The following GPC5 variants were observed in gnomAD, a reference collection of about 807,000 sequenced individuals.
The protein encoded by GPC5 is glypican 5, also known as glypican-5.
GPC5 carries 47 observed loss-of-function variants against 53.9 expected under a neutral mutation model. The ratio of observed to expected loss-of-function variants is 0.87; its 90% confidence interval spans 0.69 to 1.11. The LOEUF (loss-of-function observed/expected upper bound fraction) is 1.11, where lower values mean the gene tolerates loss of function less well. Ranked by LOEUF, GPC5 falls within the 50% of genes most tolerant of loss-of-function variation. GPC5 has a pLI of 0.00. For missense variants in GPC5, 748 were observed against 713.1 expected, an observed-to-expected ratio of 1.05 and a Z score of -0.56; for synonymous variants, 286 against 263.3, an observed-to-expected ratio of 1.09 and a Z score of -0.84.
chr13:92,519,560 A>G (rs978637226), intron 7 of GPC5, among the ~76,000 whole-genome samples: 2 of 152,214 alleles, frequency 1.3e-5, no homozygotes, highest in Non-Finnish European at 2.9e-5. Context: ...GGCAGAAATA[A>G]AGATGTTCTT....
intron 7 of GPC5, among the ~76,000 whole-genome samples, chr13:92,741,383 G>T (rs1169032574): frequency 6.6e-6 from 1 of 151,804 alleles, no homozygotes; most frequent in Non-Finnish European, 1.5e-5. Context: ...GAGCTTTCCT[G>T]GGACTCTGCA....
At chr13:91,862,364 T>C (rs73614148) in intron 5 of GPC5, among the ~76,000 whole-genome samples, 4,217 of 152,306 alleles carry the variant, frequency 0.028, 208 homozygotes, top group African/African-American at 0.095. Flanking sequence ...AGGGGCAGTT[T>C]TGCCCTCCAG....
intron 7 of GPC5, among the ~76,000 whole-genome samples, chr13:92,599,127 T>A (rs1883966225): frequency 6.6e-6 from 1 of 152,222 alleles, no homozygotes; most frequent in African/African-American, 2.4e-5. Flanking sequence ...TTATTTAGTG[T>A]AGTTGTAGAC....
At chr13:92,674,043 C>G (rs1886845193) in intron 7 of GPC5, among the ~76,000 whole-genome samples, 1 of 152,162 alleles carries the variant, frequency 6.6e-6, no homozygotes, top group South Asian at 2.1e-4. Flanking sequence ...CTATTTCAGC[C>G]CCACTAAAGC....
At chr13:91,561,187 A>G (rs2031241648) in intron 2 of GPC5, among the ~76,000 whole-genome samples, 1 of 140,666 alleles carries the variant, frequency 7.1e-6, no homozygotes, top group Non-Finnish European at 1.5e-5. Flanking sequence ...TAGTGGTTCC[A>G]TGGACCCAGC....
intron 7 of GPC5, among the ~76,000 whole-genome samples, chr13:92,697,948 G>A (rs954026240): frequency 1.3e-5 from 2 of 152,170 alleles, no homozygotes; most frequent in African/African-American, 4.8e-5. Flanking sequence ...TATCTATTGA[G>A]ATAATCATGT....
intron 6 of GPC5, among the ~76,000 whole-genome samples, chr13:92,051,051 A>G (rs550084877): frequency 1.1e-4 from 16 of 152,316 alleles, no homozygotes; most frequent in African/African-American, 3.6e-4. Context: ...TTGAGAGATG[A>G]CTTTAAAAGC....
At chr13:92,497,120 T>A (rs1461861067) in intron 7 of GPC5, among the ~76,000 whole-genome samples, 1 of 152,226 alleles carries the variant, frequency 6.6e-6, no homozygotes, top group Non-Finnish European at 1.5e-5. Flanking sequence ...TAGATCCCAT[T>A]TGTCAATTTT....
At chr13:91,725,416 AT>A (rs1470115821) in intron 3 of GPC5, among the ~76,000 whole-genome samples, 3 of 152,256 alleles carry the variant, frequency 2.0e-5, no homozygotes, top group Middle Eastern at 3.4e-3. Flanking sequence ...TGCCACCCAA[AT>A]TGGCTCACCT....
intron 7 of GPC5, among the ~76,000 whole-genome samples, chr13:92,584,430 C>G (rs1419334952): frequency 6.6e-6 from 1 of 152,120 alleles, no homozygotes; most frequent in Non-Finnish European, 1.5e-5. Flanking sequence ...GAACTTGAGA[C>G]AGATGATTTA....
At chr13:92,376,309 C>T (rs925392524) in intron 7 of GPC5, among the ~76,000 whole-genome samples, 4 of 152,168 alleles carry the variant, frequency 2.6e-5, no homozygotes, top group Admixed American at 1.3e-4. Flanking sequence ...TTTTGCATAA[C>T]GATCTGGTGG....
chr13:92,406,025 T>G (rs1313437923), intron 7 of GPC5, among the ~76,000 whole-genome samples: 1 of 152,128 alleles, frequency 6.6e-6, no homozygotes, highest in Non-Finnish European at 1.5e-5. Flanking sequence ...ATATACCAGG[T>G]TTCTTTACCT....
chr13:92,730,285 C>G (rs1463176978), intron 7 of GPC5, among the ~76,000 whole-genome samples: 1 of 151,344 alleles, frequency 6.6e-6, no homozygotes, highest in Admixed American at 6.6e-5. Context: ...ACCCCCATCA[C>G]CATTCCCCCA....
chr13:92,672,423 A>T (rs1236580562), intron 7 of GPC5, among the ~76,000 whole-genome samples: 1 of 152,180 alleles, frequency 6.6e-6, no homozygotes, highest in Non-Finnish European at 1.5e-5. Flanking sequence ...GAATGCTTAT[A>T]CACTGTTGGT....
intron 6 of GPC5, among the ~76,000 whole-genome samples, chr13:91,948,167 G>A (rs1367299334): frequency 5.3e-5 from 8 of 150,958 alleles, no homozygotes; most frequent in African/African-American, 1.7e-4. Flanking sequence ...GGTGGAGCTT[G>A]CAGTGAGCCG....
intron 2 of GPC5, among the ~76,000 whole-genome samples, chr13:91,594,044 A>G (rs761411845): frequency 1.6e-4 from 24 of 152,222 alleles, no homozygotes; most frequent in Admixed American, 1.2e-3. Context: ...ATCTTTTGGA[A>G]TGACCAATAA....
intron 7 of GPC5, among the ~76,000 whole-genome samples, chr13:92,820,016 C>T (rs770894494): frequency 2.6e-5 from 4 of 152,134 alleles, no homozygotes; most frequent in Non-Finnish European, 5.9e-5. Flanking sequence ...ACACCCTCTT[C>T]TCTGCTTCCT....
intron 7 of GPC5, among the ~76,000 whole-genome samples, chr13:92,598,814 C>A (rs1251574060): frequency 6.6e-6 from 1 of 152,082 alleles, no homozygotes; most frequent in East Asian, 1.9e-4. Context: ...GTCAGGAGTT[C>A]GAGACCAACC....
intron 2 of GPC5, among the ~76,000 whole-genome samples, chr13:91,595,294 G>A (rs1013746466): frequency 3.9e-4 from 60 of 152,190 alleles, no homozygotes; most frequent in African/African-American, 1.3e-3. Context: ...GACTACAGGC[G>A]TGAGGCACCG....
Sources: allele counts gnomAD v4.1 joint callset (sites outside exome capture counted in the v4.1 genomes callset), GRCh38; gene constraint gnomAD v4.1.1; transcripts MANE v1.5; gene names NCBI Gene and HGNC (gene_info 2026-07-23, HGNC 2026-07-21).